SGCD: variants seen among roughly 807,000 people sequenced by gnomAD.
SGCD encodes sarcoglycan delta.
Under a neutral mutation model 36.6 loss-of-function variants are expected in SGCD, and 18 were observed. The ratio of observed to expected loss-of-function variants is 0.49; its 90% CI spans 0.34 to 0.73. The LOEUF is 0.73. SGCD is among the 30% of genes least tolerant of loss of function. SGCD has a pLI of 0.01. For missense variants in SGCD, 387 were observed against 346.7 expected (o/e 1.12, Z -0.92); for synonymous variants, 133 against 130.6 (o/e 1.02, Z -0.12).
At chr5:156,460,600 G>T (rs116716804) in intron 3 of SGCD, among the ~76,000 whole-genome samples, 1,586 of 152,250 alleles carry the variant, frequency 0.01, 24 homozygotes, top group African/African-American at 0.035. Flanking sequence ...TTGTATGAAT[G>T]AGTTAGTGAC....
chr5:155,778,447 G>C, the SGCD span, among the ~76,000 whole-genome samples: 2 of 152,108 alleles, frequency 1.3e-5, no homozygotes, highest in African/African-American at 2.4e-5. Context: ...ATAAAACCCA[G>C]AATTTCTAAC....
intron 1 of SGCD, among the ~76,000 whole-genome samples, chr5:155,901,304 C>T (rs554788507): frequency 1.4e-5 from 2 of 144,914 alleles, no homozygotes; most frequent in Non-Finnish European, 3.0e-5. Flanking sequence ...AAGAGCGAAA[C>T]TCCATCTCAG....
At chr5:156,130,120 G>T (rs941075359) in intron 3 of SGCD, among the ~76,000 whole-genome samples, 5 of 152,114 alleles carry the variant, frequency 3.3e-5, no homozygotes, top group African/African-American at 1.2e-4. Flanking sequence ...GTGTATAAGT[G>T]TTCCCTTTTC....
chr5:156,423,386 A>G (rs62382667), intron 3 of SGCD, among the ~76,000 whole-genome samples: 1 of 105,314 alleles, frequency 9.5e-6, no homozygotes, highest in Non-Finnish European at 1.7e-5. Flanking sequence ...TTATAATATA[A>G]TATATTATAT....
chr5:156,522,878 T>G (rs970050057), intron 4 of SGCD, among the ~76,000 whole-genome samples: 2 of 152,098 alleles, frequency 1.3e-5, no homozygotes, highest in African/African-American at 4.8e-5. Context: ...TTGTCAATAT[T>G]TATCAAAGTT....
intron 3 of SGCD, chr5:156,458,612 T>A: frequency 3.0e-6 from 2 of 673,084 alleles, no homozygotes; most frequent in South Asian, 1.9e-5. Flanking sequence ...TTTTTATTTG[T>A]AAAAATGAAA....
chr5:156,154,408 T>A (rs1392943385), intron 3 of SGCD, among the ~76,000 whole-genome samples: 1 of 151,628 alleles, frequency 6.6e-6, no homozygotes, highest in Non-Finnish European at 1.5e-5. Flanking sequence ...ATACATAATA[T>A]CTGAGAAATA....
At chr5:156,114,863 G>A (rs767838793) in intron 1 of SGCD, among the ~76,000 whole-genome samples, 14 of 151,576 alleles carry the variant, frequency 9.2e-5, no homozygotes, top group African/African-American at 1.2e-4. Flanking sequence ...TTTGCGTTGC[G>A]TGACACACTT....
At chr5:155,879,440 C>G (rs1274689644) in intron 1 of SGCD, among the ~76,000 whole-genome samples, 1 of 152,086 alleles carries the variant, frequency 6.6e-6, no homozygotes, top group African/African-American at 2.4e-5. Flanking sequence ...TGAAAACGTT[C>G]TTGACAACTT....
intron 3 of SGCD, among the ~76,000 whole-genome samples, chr5:156,464,214 A>ATT (rs1318941829): frequency 1.2e-4 from 15 of 125,326 alleles, no homozygotes; most frequent in African/African-American, 4.6e-4. Flanking sequence ...TTGAATCTAC[A>ATT]TATTTTTTTT....
chr5:156,138,081 C>T (rs1445668300), intron 3 of SGCD, among the ~76,000 whole-genome samples: 1 of 152,134 alleles, frequency 6.6e-6, no homozygotes, highest in Non-Finnish European at 1.5e-5. Flanking sequence ...CCCACTGAGG[C>T]CGCCAGTGTT....
intron 3 of SGCD, among the ~76,000 whole-genome samples, chr5:156,310,422 C>T (rs1767360998): frequency 6.6e-6 from 1 of 152,120 alleles, no homozygotes. Context: ...TTTGCCGGTC[C>T]TGGCTCCTGA....
In SGCD at chr5:156,395,666, C is replaced by T. The variant is rs75654594; in HGVS notation, c.192+50989C>T. Among the ~76,000 whole-genome samples the T allele has an allele frequency of 6.6e-5, 10 of 152,262 alleles. No homozygotes were observed. The East Asian group carries it at 1.9e-3, about 29-fold the overall frequency. On this transcript the variant is annotated intron_variant, in intron 3 of 8. Coordinates refer to ENST00000337851, the MANE Select transcript of SGCD (RefSeq NM_000337.6). ...CTGTACATCTAATCCTCTTCATGAT[C>T]CTGTGAAGAAGGTACTCCAACATTT...
At chr5:155,993,003 G>T (rs1758465008) in intron 1 of SGCD, among the ~76,000 whole-genome samples, 1 of 151,872 alleles carries the variant, frequency 6.6e-6, no homozygotes, top group South Asian at 2.1e-4. Context: ...CTATTCTCCT[G>T]CCCTAATCAC....
At chr5:156,040,456 C>T (rs1040713837) in intron 1 of SGCD, among the ~76,000 whole-genome samples, 4 of 152,194 alleles carry the variant, frequency 2.6e-5, no homozygotes, top group African/African-American at 9.7e-5. Flanking sequence ...AGTAGAGGAA[C>T]TCAAAAATAC....
At chr5:156,608,663 T>A (rs1205039992) in intron 6 of SGCD, among the ~76,000 whole-genome samples, 1 of 152,216 alleles carries the variant, frequency 6.6e-6, no homozygotes, top group Non-Finnish European at 1.5e-5. Flanking sequence ...CTCCCCTTAT[T>A]ATTGTGTGGG....
intron 3 of SGCD, among the ~76,000 whole-genome samples, chr5:156,446,095 T>A (rs1454184286): frequency 6.6e-6 from 1 of 152,136 alleles, no homozygotes; most frequent in Non-Finnish European, 1.5e-5. Context: ...GAAAGCCACT[T>A]GCTGAATAGA....
chr5:155,895,339 C>T (rs983266049), intron 1 of SGCD, among the ~76,000 whole-genome samples: 1 of 152,152 alleles, frequency 6.6e-6, no homozygotes, highest in Admixed American at 6.5e-5. Flanking sequence ...CATTTCAAAA[C>T]CTGTTCATAG....
chr5:156,352,276 A>G (rs185593920), intron 3 of SGCD, among the ~76,000 whole-genome samples: 1 of 152,272 alleles, frequency 6.6e-6, no homozygotes, highest in East Asian at 1.9e-4. Context: ...TAGATGAAAT[A>G]GGAACCTTAG....
Sources: gnomAD v4.1 joint callset for allele counts (sites outside exome capture counted in the v4.1 genomes callset) on GRCh38, gnomAD v4.1.1 for gene constraint, MANE v1.5 for transcripts, NCBI Gene and HGNC (gene_info 2026-07-23, HGNC 2026-07-21) for gene names.